The following BLTP1 variants were observed in gnomAD, a reference collection of about 807,000 sequenced individuals.
The protein encoded by BLTP1 is bridge-like lipid transfer protein family member 1, also known as fragile site-associated protein.
chr4:122,296,557 G>GA, the BLTP1 span, among the ~76,000 whole-genome samples: 1 of 152,162 alleles, frequency 6.6e-6, no homozygotes, highest in Admixed American at 6.5e-5. Flanking sequence ...TACAACATTA[G>GA]AAAAAACTAT....
chr4:122,344,248 C>A, the BLTP1 span: 1 of 1,026,966 alleles, frequency 9.7e-7, no homozygotes, highest in Non-Finnish European at 1.3e-6. Flanking sequence ...GATCCCTCTG[C>A]TTAAATTTTT....
chr4:122,262,148 TTGTGTGTGTG>T, the BLTP1 span, among the ~76,000 whole-genome samples: 20 of 133,518 alleles, frequency 1.5e-4, no homozygotes, highest in African/African-American at 4.0e-4. Context: ...TACAGATCCT[TTGTGTGTGTG>T]TGTGTGTGTG....
At chr4:122,203,090 G>T in the BLTP1 span, among the ~76,000 whole-genome samples, 4 of 151,870 alleles carry the variant, frequency 2.6e-5, no homozygotes, top group African/African-American at 9.7e-5. Context: ...AATAATATTA[G>T]TTTAGTATTG....
the BLTP1 span, among the ~76,000 whole-genome samples, chr4:122,160,566 A>T: frequency 6.6e-6 from 1 of 152,228 alleles, no homozygotes; most frequent in East Asian, 1.9e-4. Flanking sequence ...ATAGAATTGG[A>T]AGGAACTTCA....
At chr4:122,257,157 T>G in the BLTP1 span, 115 of 1,201,212 alleles carry the variant, frequency 9.6e-5, no homozygotes, top group Non-Finnish European at 1.2e-4. Context: ...TATCTCTAAA[T>G]GAGTATTATG....
chr4:122,200,089 TTCTTG>T, the BLTP1 span: 2 of 947,130 alleles, frequency 2.1e-6, no homozygotes, highest in South Asian at 4.9e-5. Flanking sequence ...GGTTCTTAAT[TTCTTG>T]TCTTAAACAT....
chr4:122,327,095 G>T, the BLTP1 span, among the ~76,000 whole-genome samples: 1 of 81,020 alleles, frequency 1.2e-5, no homozygotes, highest in East Asian at 4.2e-4. Context: ...TAGGTCATAG[G>T]GGGGTGTTTT....
chr4:122,349,855 A>G, the BLTP1 span: 4 of 1,613,462 alleles, frequency 2.5e-6, no homozygotes, highest in Non-Finnish European at 3.4e-6. This position sits in a 1 kb window ranked among gnomAD's most constrained non-coding sequence, Gnocchi z 4.5. Flanking sequence ...TTTATGCTCT[A>G]GTGAGATTTT....
chr4:122,246,443 T>A, the BLTP1 span: 2 of 1,033,562 alleles, frequency 1.9e-6, no homozygotes, highest in Non-Finnish European at 2.7e-6. Context: ...CTAATGTAGA[T>A]CTAATGGAAT....
the BLTP1 span, chr4:122,306,741 A>C: frequency 3.4e-6 from 3 of 894,422 alleles, no homozygotes; most frequent in East Asian, 3.6e-4. Flanking sequence ...ATAGAAGAAA[A>C]TAATGGGAAA....
the BLTP1 span, chr4:122,239,486 A>G: frequency 6.8e-7 from 1 of 1,477,296 alleles, no homozygotes; most frequent in South Asian, 1.4e-5. Context: ...GATGTATAGA[A>G]AATGGTAATA....
At chr4:122,262,621 C>T in the BLTP1 span, 1 of 946,346 alleles carries the variant, frequency 1.1e-6, no homozygotes, top group Non-Finnish European at 1.5e-6. Context: ...GGATTCACCA[C>T]AATCCTAGTA....
chr4:122,201,359 G>T, the BLTP1 span, among the ~76,000 whole-genome samples: 4 of 152,272 alleles, frequency 2.6e-5, no homozygotes, highest in Admixed American at 6.5e-5. Flanking sequence ...GGAAATGAAA[G>T]AACTCAATTT....
the BLTP1 span, chr4:122,271,315 T>C: frequency 4.3e-6 from 7 of 1,613,936 alleles, no homozygotes; most frequent in Non-Finnish European, 5.9e-6. Flanking sequence ...TTAGCAGATA[T>C]ACAGCCGGAT....
the BLTP1 span, among the ~76,000 whole-genome samples, chr4:122,192,796 T>G: frequency 1.3e-5 from 2 of 152,170 alleles, no homozygotes; most frequent in African/African-American, 4.8e-5. Context: ...AGACTAATAT[T>G]AGGTGCTATA....
chr4:122,208,723 C>T, the BLTP1 span: 7 of 873,742 alleles, frequency 8.0e-6, no homozygotes, highest in Non-Finnish European at 9.6e-6. Flanking sequence ...AAATCTTATT[C>T]ATTATTTACC....
At chr4:122,233,988 G>C in the BLTP1 span, among the ~76,000 whole-genome samples, 1 of 151,982 alleles carries the variant, frequency 6.6e-6, no homozygotes, top group Non-Finnish European at 1.5e-5. Flanking sequence ...TGAGGGTCTT[G>C]AGAATCCAAG....
chr4:122,166,304 T>G, the BLTP1 span, among the ~76,000 whole-genome samples: 1 of 152,168 alleles, frequency 6.6e-6, no homozygotes, highest in Non-Finnish European at 1.5e-5. Flanking sequence ...CTAGCCAGTT[T>G]TCCCAGCACC....
chr4:122,190,652 A>C, the BLTP1 span: 1 of 290,148 alleles, frequency 3.4e-6, no homozygotes, highest in African/African-American at 2.3e-5. Flanking sequence ...AATGCAAATG[A>C]TCATGAGTGA....
Sources: gnomAD v4.1 joint callset for allele counts (sites outside exome capture counted in the v4.1 genomes callset) on GRCh38, gnomAD v4.1.1 for gene constraint, Gnocchi (gnomAD v3.1) non-coding constraint, MANE v1.5 for transcripts, NCBI Gene and HGNC (gene_info 2026-07-23, HGNC 2026-07-21) for gene names.